Variants in TRPC5 observed in about 807,000 individuals in gnomAD.
TRPC5 encodes short transient receptor potential channel 5.
In TRPC5, 9 loss-of-function variants were observed where a neutral mutation model predicts 56.5. That is an observed-to-expected ratio of 0.16 (90% CI 0.10 to 0.28). The LOEUF (loss-of-function observed/expected upper bound fraction) is 0.28, where lower values mean the gene tolerates loss of function less well. TRPC5 is among the 10% of genes least tolerant of loss of function. TRPC5 has a pLI of 1.00. For synonymous variants in TRPC5, 282 were observed against 278.5 expected (o/e 1.01, Z -0.13); for missense variants, 469 against 748.9 (o/e 0.63, Z 4.36).
chrX:111,912,038 C>T (rs1301350504), intron 3 of TRPC5, among the ~76,000 whole-genome samples: 2 of 111,904 alleles, frequency 1.8e-5, no homozygotes, highest in African/African-American at 6.5e-5. Context: ...GCAAACACTC[C>T]GAACAGTGCT....
chrX:111,865,391 A>G (rs1176810488), intron 3 of TRPC5, among the ~76,000 whole-genome samples: 9 of 100,831 alleles, frequency 8.9e-5, no homozygotes, highest in African/African-American at 3.4e-4. Flanking sequence ...CAGTGGTGTG[A>G]TATCTGTTCA....
chrX:112,066,810 A>G (rs970879191), intron 1 of TRPC5, among the ~76,000 whole-genome samples: 4 of 112,318 alleles, frequency 3.6e-5, no homozygotes, highest in Non-Finnish European at 7.5e-5. Flanking sequence ...AGAAACTTAA[A>G]TTTCTCAGTT....
rs183424598 is a variant in TRPC5 at position 111,972,691 on chromosome X, T to C, written c.-21-20250A>G. Among the ~76,000 whole-genome samples the C allele has an allele frequency of 3.7e-3, 412 of 112,309 alleles. 2 individuals are homozygous for C. Among genetic ancestry groups the C allele is most frequent in the Non-Finnish European group, 5.4e-3 (288 of 53,270 alleles). On this transcript the variant is annotated intron_variant, in intron 1 of 10. Coordinates refer to ENST00000262839, the MANE Select transcript of TRPC5 (RefSeq NM_012471.3). ...TCAAAGGTTGTATACATTCTACATATTTATGAATGGGCTGCCAAATATCAC... is the reference window on the plus strand; with the variant it reads ...TCAAAGGTTGTATACATTCTACATACTTATGAATGGGCTGCCAAATATCAC...
chrX:111,781,849 C>T, intron 8 of TRPC5, 86 bp downstream of exon 8: 2 of 865,318 alleles, frequency 2.3e-6, no homozygotes, highest in Non-Finnish European at 3.2e-6. Flanking sequence ...TGACCCGAGA[C>T]CGTGCCACTG....
chrX:112,000,635 G>A lies in TRPC5; in HGVS notation c.-21-48194C>T, dbSNP rs1006400559. On this transcript the variant is annotated intron_variant, in intron 1 of 10. Transcript: ENST00000262839. ...AATATCTTCTTCCTAGGGTTGTTGC[G>A]ACGATTAGATGATGTAATACATTGC... 1.7e-4 allele frequency among the ~76,000 whole-genome samples: 19 copies of A among 111,734 alleles called. No homozygotes were observed. In the East Asian group the frequency reaches 2.8e-3, roughly 17 times the overall value.
chrX:111,830,217 C>G (rs1035808911), intron 7 of TRPC5, among the ~76,000 whole-genome samples: 4 of 112,248 alleles, frequency 3.6e-5, no homozygotes, highest in Non-Finnish European at 5.6e-5. Flanking sequence ...CCAATTTCTC[C>G]AATTTGGAAT....
At chrX:112,012,589 G>A (rs1929020745) in intron 1 of TRPC5, among the ~76,000 whole-genome samples, 1 of 110,630 alleles carries the variant, frequency 9.0e-6, no homozygotes, top group Non-Finnish European at 1.9e-5. Context: ...AGCCTTATGA[G>A]GCAGGTGTTA....
intron 7 of TRPC5, among the ~76,000 whole-genome samples, chrX:111,812,545 T>C (rs1569525694): frequency 1.8e-5 from 2 of 112,177 alleles, no homozygotes; most frequent in African/African-American, 3.2e-5. Context: ...ATTTATTTTT[T>C]TGATTCCTGT....
At chrX:112,047,934 C>T (rs943411516) in intron 1 of TRPC5, among the ~76,000 whole-genome samples, 4 of 112,110 alleles carry the variant, frequency 3.6e-5, no homozygotes, top group Non-Finnish European at 3.8e-5. Context: ...GTTTAATGCC[C>T]GCTGTTTCTA....
chrX:112,059,838 GA>G (rs1260971915), intron 1 of TRPC5, among the ~76,000 whole-genome samples: 1 of 111,846 alleles, frequency 8.9e-6, no homozygotes, highest in East Asian at 2.8e-4. Context: ...TCAGTCAAAG[GA>G]AAACCATGCA....
At chrX:111,932,748 A>T (rs1926452086) in intron 2 of TRPC5, among the ~76,000 whole-genome samples, 1 of 112,141 alleles carries the variant, frequency 8.9e-6, no homozygotes, top group Non-Finnish European at 1.9e-5. Flanking sequence ...GAGGGTGGGC[A>T]GATGAGCACA....
In TRPC5 at chrX:111,769,540, G is replaced by C. The variant is rs1324928370; in HGVS notation, c.*6773C>G. On this transcript the variant is annotated 3_prime_UTR_variant, in exon 11 of 11. Transcript: ENST00000262839. Reference sequence around the variant, plus strand: ...GATATTCTATAACTTGATTTTGGCTGGTGCTTCCAGGGGTATATACAACTC... The same window carrying C: ...GATATTCTATAACTTGATTTTGGCTCGTGCTTCCAGGGGTATATACAACTC... Among the ~76,000 whole-genome samples, 1 of 111,148 alleles carries C rather than the reference G, an allele frequency of 9.0e-6. No individual in the cohort carries two copies. Among genetic ancestry groups the C allele is most frequent in the Non-Finnish European group, 1.9e-5 (1 of 52,972 alleles).
chrX:111,911,066 T>C (rs1227466690), intron 3 of TRPC5, among the ~76,000 whole-genome samples: 1 of 112,594 alleles, frequency 8.9e-6, no homozygotes, highest in African/African-American at 3.2e-5. Flanking sequence ...CTCTTTTTCA[T>C]TTTTTATCCC....
intron 1 of TRPC5, among the ~76,000 whole-genome samples, chrX:111,991,560 G>A (rs183957712): frequency 5.4e-5 from 6 of 111,695 alleles, no homozygotes; most frequent in Non-Finnish European, 1.1e-4. Flanking sequence ...TTAGGTTAAC[G>A]TTTGGGTGGA....
chrX:111,909,254 C>T (rs1381623826), intron 3 of TRPC5, among the ~76,000 whole-genome samples: 1 of 107,954 alleles, frequency 9.3e-6, no homozygotes, highest in Admixed American at 1.0e-4. Flanking sequence ...CGATTGAACC[C>T]AGGAGTCGGA....
At chrX:111,905,631 G>A (rs1404085181) in intron 3 of TRPC5, among the ~76,000 whole-genome samples, 1 of 111,657 alleles carries the variant, frequency 9.0e-6, no homozygotes, top group East Asian at 2.8e-4. Flanking sequence ...AATGCTGAAG[G>A]CGGCCGGACG....
intron 3 of TRPC5, among the ~76,000 whole-genome samples, chrX:111,892,511 C>T (rs905780962): frequency 3.6e-5 from 4 of 112,027 alleles, no homozygotes; most frequent in East Asian, 5.6e-4. Flanking sequence ...AGTTAGCTTT[C>T]GCCAGGCCAG....
chrX:111,968,681 T>C lies in TRPC5; in HGVS notation c.-21-16240A>G, dbSNP rs1350822347. On this transcript the variant is annotated intron_variant, in intron 1 of 10. Transcript: ENST00000262839. ...TGAGTTCATGTCCTTTGTAGGGACA[T>C]GGATGAAACTGGAAACCATCATTCT... is the stretch of plus-strand genomic sequence containing the variant. Among the ~76,000 whole-genome samples, 22 of 107,468 alleles carry C rather than the reference T, an allele frequency of 2.0e-4. 1 individual carries two copies. Among genetic ancestry groups the C allele is most frequent in the Non-Finnish European group, 4.2e-4 (22 of 52,215 alleles). 93.3% of individuals were successfully genotyped at this position (107,468 alleles called of 115,157 possible).
intron 1 of TRPC5, among the ~76,000 whole-genome samples, chrX:112,036,609 C>G (rs756802359): frequency 7.8e-4 from 88 of 112,136 alleles, no homozygotes; most frequent in African/African-American, 2.6e-3. Context: ...CTTGATTCAG[C>G]ATATACCTGG....
Sources: gnomAD v4.1 joint callset for allele counts (sites outside exome capture counted in the v4.1 genomes callset) on GRCh38, gnomAD v4.1.1 for gene constraint, MANE v1.5 for transcripts, NCBI Gene and HGNC (gene_info 2026-07-23, HGNC 2026-07-21) for gene names.